The following LEKR1 variants were observed in gnomAD, a reference collection of about 807,000 sequenced individuals.
The protein encoded by LEKR1 is protein LEKR1.
A neutral mutation model predicts 72.4 loss-of-function variants in LEKR1; 59 were observed. That is an observed-to-expected ratio of 0.82 (90% confidence interval 0.66 to 1.01). The LOEUF is 1.01. LEKR1 is among the 50% of genes least tolerant of loss of function. The pLI, the probability that LEKR1 is intolerant of heterozygous loss-of-function variation, is 0.00. For synonymous variants in LEKR1, 257 were observed against 263.2 expected (o/e 0.98, Z 0.23); for missense variants, 728 against 759.2 (o/e 0.96, Z 0.48).
Position 156,882,506 on chromosome 3 carries a change from G to A in LEKR1, c.263+29524G>A, listed in dbSNP as rs1269100598. Among the ~76,000 whole-genome samples the A allele has an allele frequency of 6.6e-5, 10 of 152,226 alleles. 1 individual carries two copies. In the South Asian group the frequency reaches 1.9e-3, roughly 28 times the overall value. Reference sequence around the variant, plus strand: ...TCATTAAAAAGTCAGGAAACAACAGGTGCTGGAGAGGATGTGGAGAAATAG... The same window carrying A: ...TCATTAAAAAGTCAGGAAACAACAGATGCTGGAGAGGATGTGGAGAAATAG... On this transcript the variant is annotated intron_variant, in intron 3 of 12. Transcript: ENST00000356539.
chr3:157,010,310 G>T (rs1732785170), intron 9 of LEKR1, among the ~76,000 whole-genome samples: 1 of 151,962 alleles, frequency 6.6e-6, no homozygotes, highest in Non-Finnish European at 1.5e-5. Context: ...AGACTATATA[G>T]AACTCACTAC....
At chr3:156,932,548 A>G (rs1051395906) in intron 5 of LEKR1, among the ~76,000 whole-genome samples, 3 of 152,038 alleles carry the variant, frequency 2.0e-5, no homozygotes, top group Non-Finnish European at 4.4e-5. Context: ...CCCTCTCTCT[A>G]CTAAAAATAC....
chr3:156,856,318 A>G (rs886515235), intron 3 of LEKR1, among the ~76,000 whole-genome samples: 4 of 152,094 alleles, frequency 2.6e-5, no homozygotes, highest in Admixed American at 6.5e-5. Context: ...TTTATTGTCT[A>G]TCATTGAGTC....
chr3:156,900,512 A>C (rs1193862134), intron 3 of LEKR1, among the ~76,000 whole-genome samples: 1 of 152,162 alleles, frequency 6.6e-6, no homozygotes, highest in African/African-American at 2.4e-5. Context: ...TATCCACTTA[A>C]AATTAACTTG....
intron 3 of LEKR1, among the ~76,000 whole-genome samples, chr3:156,859,869 G>A (rs929002534): frequency 6.6e-6 from 1 of 152,194 alleles, no homozygotes; most frequent in African/African-American, 2.4e-5. Context: ...AATACTTTCT[G>A]TCATTCAGTC....
intron 3 of LEKR1, among the ~76,000 whole-genome samples, chr3:156,860,610 T>C (rs1335101985): frequency 6.6e-6 from 1 of 152,076 alleles, no homozygotes; most frequent in Non-Finnish European, 1.5e-5. Context: ...TTGGAGGAAA[T>C]AAGTGTACCT....
chr3:156,885,439 A>G (rs1181432306), intron 3 of LEKR1, among the ~76,000 whole-genome samples: 1 of 152,210 alleles, frequency 6.6e-6, no homozygotes, highest in African/African-American at 2.4e-5. Context: ...CTGAAACTCA[A>G]GGCTTGCTGT....
chr3:157,010,818 G>C (rs1732830685), intron 9 of LEKR1, among the ~76,000 whole-genome samples: 1 of 152,002 alleles, frequency 6.6e-6, no homozygotes, highest in African/African-American at 2.4e-5. Flanking sequence ...TGTGGATTAA[G>C]ATGATAAAGT....
intron 6 of LEKR1, among the ~76,000 whole-genome samples, chr3:156,963,092 A>ATCCCAATG (rs1447479783): frequency 3.3e-5 from 5 of 152,116 alleles, no homozygotes; most frequent in African/African-American, 1.2e-4. Context: ...ACATCATCCC[A>ATCCCAATG]TCCCAATGTT....
Position 156,839,691 on chromosome 3 carries a change from A to G in LEKR1, c.48+10314A>G, listed in dbSNP as rs1713636812. Among the ~76,000 whole-genome samples, 3 of 152,194 alleles carry G rather than the reference A, an allele frequency of 2.0e-5. No homozygotes were observed. In the South Asian group the frequency reaches 6.2e-4, roughly 32 times the overall value. ...GTGCAGACAATGAGAAAGAAGACAT[A>G]GTAGAGGCAGTGCTAGAAAACAAAT... On this transcript the variant is annotated intron_variant, in intron 2 of 12. Coordinates refer to ENST00000356539, the MANE Select transcript of LEKR1 (RefSeq NM_001004316.3).
chr3:156,828,729 A>T (rs1711980092), intron 1 of LEKR1, among the ~76,000 whole-genome samples: 1 of 152,216 alleles, frequency 6.6e-6, no homozygotes, highest in Admixed American at 6.5e-5. Context: ...AATTATATAA[A>T]TGTCCATCTT....
At chr3:156,867,739 A>G (rs957016020) in intron 3 of LEKR1, among the ~76,000 whole-genome samples, 1 of 152,048 alleles carries the variant, frequency 6.6e-6, no homozygotes, top group African/African-American at 2.4e-5. Context: ...CAGCTTTTAA[A>G]TATGTCACTA....
At chr3:156,925,333 T>TGTGTGTGTGTGTGTG (rs368776705) in intron 4 of LEKR1, 20 of 75,012 alleles carry the variant, frequency 2.7e-4, no homozygotes, top group African/African-American at 6.7e-4. Context: ...GTGTGTGTGT[T>TGTGTGTGTGTGTGTG]TGTGTGTGTC....
At chr3:156,914,448 T>C (rs912043684) in intron 3 of LEKR1, among the ~76,000 whole-genome samples, 2 of 152,056 alleles carry the variant, frequency 1.3e-5, no homozygotes, top group African/African-American at 2.4e-5. Context: ...TTTGCTGAGA[T>C]TGATGGTTTC....
At chr3:156,962,085 GAA>G (rs1389443816) in intron 6 of LEKR1, among the ~76,000 whole-genome samples, 1 of 152,156 alleles carries the variant, frequency 6.6e-6, no homozygotes, top group Non-Finnish European at 1.5e-5. Flanking sequence ...CCTGCTCTTA[GAA>G]AAGGTTACTG....
At chr3:156,982,855 G>GTAGATAGATAGATAGA (rs57476413) in intron 7 of LEKR1, among the ~76,000 whole-genome samples, 1 of 139,998 alleles carries the variant, frequency 7.1e-6, no homozygotes, top group Non-Finnish European at 1.5e-5. Flanking sequence ...GTGTGTGTGT[G>GTAGATAGATAGATAGA]TAGATAGATA....
intron 6 of LEKR1, among the ~76,000 whole-genome samples, chr3:156,963,634 A>G (rs1728310878): frequency 6.6e-6 from 1 of 151,612 alleles, no homozygotes. Context: ...TAGATTTCCT[A>G]CTATAATCTA....
chr3:156,919,220 C>T (rs1361048713), intron 3 of LEKR1, among the ~76,000 whole-genome samples: 1 of 152,182 alleles, frequency 6.6e-6, no homozygotes, highest in Admixed American at 6.5e-5. Flanking sequence ...AAGATACATC[C>T]TTTCATTGCT....
In LEKR1 at chr3:156,979,174, A is replaced by T. The variant is rs1358032083; in HGVS notation, c.746-20A>T. 1 of 1,125,444 alleles carries T rather than the reference A, an allele frequency of 8.9e-7. No homozygotes were observed. 69.7% of individuals were successfully genotyped at this position (1,125,444 alleles called of 1,614,324 possible). The stretch of plus-strand genomic sequence containing the variant: ...CACTTAAAATGTACTAATCAGATGA[A>T]ATACATTGTGTCATTTCAGATTTAC... On this transcript the variant is annotated intron_variant, in intron 6 of 12. Transcript: ENST00000356539.
Sources: gnomAD v4.1 joint callset for allele counts (sites outside exome capture counted in the v4.1 genomes callset) on GRCh38, gnomAD v4.1.1 for gene constraint, MANE v1.5 for transcripts, NCBI Gene and HGNC (gene_info 2026-07-23, HGNC 2026-07-21) for gene names.